The following SLC9A5 variants were observed in gnomAD, a reference collection of about 807,000 sequenced individuals.
SLC9A5 encodes solute carrier family 9 member A5.
A neutral mutation model predicts 91.7 loss-of-function variants in SLC9A5; 52 were observed. The ratio of observed to expected loss-of-function variants is 0.57; its 90% CI spans 0.45 to 0.71. The LOEUF is 0.71. SLC9A5 is among the 30% of genes least tolerant of loss of function. The pLI is 0.00. For missense variants in SLC9A5, 871 were observed against 1,158.9 expected, an observed-to-expected ratio of 0.75 and a Z score of 3.61; for synonymous variants, 419 against 474.5, an observed-to-expected ratio of 0.88 and a Z score of 1.52.
In SLC9A5 at chr16:67,252,177, C is replaced by T. The variant is rs1200113009; in HGVS notation, c.188-365C>T. On this transcript the variant is annotated intron_variant, in intron 1 of 15. Coordinates refer to ENST00000299798, the MANE Select transcript of SLC9A5 (RefSeq NM_004594.3). The surrounding 1 kb of genome is among the most constrained non-coding windows in gnomAD (Gnocchi z 4.0). ...CCAGTCTTAGAAGGTTGGCCAGGCG[C>T]GGTGGCTCACACCTGTAATCCCAGC... Among the ~76,000 whole-genome samples the T allele has an allele frequency of 2.6e-5, 4 of 152,028 alleles. No homozygotes were observed. The highest frequency in any genetic ancestry group is 7.3e-5 in the African/African-American group (3 of 41,372).
intron 1 of SLC9A5, among the ~76,000 whole-genome samples, chr16:67,250,233 GATT>G (rs1385451656): frequency 2.0e-5 from 3 of 152,286 alleles, no homozygotes; most frequent in Admixed American, 2.0e-4. Context: ...GGCAGCCTGA[GATT>G]AATAATGGAA....
At chr16:67,260,328 C>T (rs1166791374) in intron 12 of SLC9A5, among the ~76,000 whole-genome samples, 6 of 121,190 alleles carry the variant, frequency 5.0e-5, no homozygotes, top group Admixed American at 9.4e-5. Context: ...GCACTCCAGC[C>T]TGGGTAACAG....
At position 67,258,495 on chromosome 16, in the gene SLC9A5, C is replaced by A; in HGVS notation, c.1626+48C>A. On this transcript the variant is annotated intron_variant, in intron 10 of 15. Transcript: ENST00000299798. The surrounding 1 kb of genome is among the most constrained non-coding windows in gnomAD (Gnocchi z 4.5). Reference sequence around the variant, plus strand: ...GGCCAGTGGTGGGTGGGCAGATGGTCAGCAGAGCAGGACAGAAAGGGGTGG... The same window carrying A: ...GGCCAGTGGTGGGTGGGCAGATGGTAAGCAGAGCAGGACAGAAAGGGGTGG... The A allele has an allele frequency of 6.2e-7, 1 of 1,611,538 alleles. No individual in the cohort carries two copies. The highest frequency in any genetic ancestry group is 1.1e-5 in the South Asian group (1 of 90,934).
intron 15 of SLC9A5, among the ~76,000 whole-genome samples, chr16:67,267,296 G>C (rs1474841921): frequency 6.6e-6 from 1 of 151,908 alleles, no homozygotes; most frequent in Non-Finnish European, 1.5e-5. Context: ...ATGTTGGTCA[G>C]GCTGGTTTCG....
chr16:67,262,435 T>C lies in SLC9A5; in HGVS notation c.1843-1917T>C, dbSNP rs1325778864. 3 of 342,126 alleles carry C rather than the reference T, an allele frequency of 8.8e-6. No homozygotes were observed. In the Admixed American group the frequency reaches 1.1e-4, roughly 12 times the overall value. The allele number at this position is 342,126 out of a possible 1,614,324, so 21.2% of individuals were successfully genotyped here. ...ATAAGATTATAGTTTAATAGAGAGA[T>C]AAGGGCTGGAGAGAAATTTGGAAGC... On this transcript the variant is annotated intron_variant, in intron 12 of 15. Coordinates refer to ENST00000299798, the MANE Select transcript of SLC9A5 (RefSeq NM_004594.3).
intron 12 of SLC9A5, among the ~76,000 whole-genome samples, chr16:67,264,107 T>A (rs1407089102): frequency 2.0e-5 from 3 of 152,020 alleles, no homozygotes; most frequent in Non-Finnish European, 4.4e-5. Context: ...ATGGCAAGGG[T>A]TGGGGAAGGC....
intron 15 of SLC9A5, among the ~76,000 whole-genome samples, chr16:67,267,550 C>T (rs2142386907): frequency 6.6e-6 from 1 of 152,228 alleles, no homozygotes; most frequent in East Asian, 1.9e-4. Flanking sequence ...TGCTGCCTCC[C>T]TTTGTAGTCT....
chr16:67,266,248 C>G (rs746445207), intron 15 of SLC9A5, 23 bp downstream of exon 15: 1 of 1,572,300 alleles, frequency 6.4e-7, no homozygotes, highest in Non-Finnish European at 8.6e-7. Flanking sequence ...TCCCTGCCCA[C>G]CTCCCCTCTG....
In SLC9A5 at chr16:67,264,294, GTTC is replaced by G. The variant is rs2035625960; in HGVS notation, c.1843-55_1843-53del. 3 of 1,523,760 alleles carry G rather than the reference GTTC, an allele frequency of 2.0e-6. No individual in the cohort carries two copies. The Admixed American group carries it at 5.2e-5, about 26-fold the overall frequency. The allele number at this position is 1,523,760 out of a possible 1,614,324, so 94.4% of individuals were successfully genotyped here. The stretch of plus-strand genomic sequence containing the variant: ...GAATATGTTGGGGCTGTGGCCTGGG[GTTC>G]TTGTGGGAGGCCAAGGCATCCATCC... On this transcript the variant is annotated intron_variant, in intron 12 of 15. Transcript: ENST00000299798.
At chr16:67,265,698 C>T (rs1172958378) in intron 14 of SLC9A5, among the ~76,000 whole-genome samples, 1 of 152,154 alleles carries the variant, frequency 6.6e-6, no homozygotes, top group African/African-American at 2.4e-5. Flanking sequence ...GTTGGGATTA[C>T]AGGTGTGAGC....
At position 67,255,234 on chromosome 16, in the gene SLC9A5, T is replaced by C. The variant is rs375773631; in HGVS notation, c.654+50T>C. ...TTCCCTGACCCCAGGCTGCATGCTCTGACCAACTAGGGGTCTGCGCAGACT... is the reference window on the plus strand; with the variant it reads ...TTCCCTGACCCCAGGCTGCATGCTCCGACCAACTAGGGGTCTGCGCAGACT... On this transcript the variant is annotated intron_variant, in intron 3 of 15. Transcript: ENST00000299798. This position sits in a 1 kb window ranked among gnomAD's most constrained non-coding sequence, Gnocchi z 4.9. 45 of 1,592,400 alleles carry C rather than the reference T, an allele frequency of 2.8e-5. 1 individual carries two copies. Among genetic ancestry groups the C allele is most frequent in the East Asian group, 1.3e-4 (6 of 44,662 alleles).
At chr16:67,262,293 T>C (rs1490292373) in intron 12 of SLC9A5, 1 of 457,208 alleles carries the variant, frequency 2.2e-6, no homozygotes, top group Non-Finnish European at 4.4e-6. Flanking sequence ...TTTTGGGGTA[T>C]GGTAACTCAA....
chr16:67,259,199 T>G lies in SLC9A5; in HGVS notation c.1627-374T>G, dbSNP rs190996252. Reference sequence around the variant, plus strand: ...GCTTGAACCCTGGTGGAGTTTGCAGTGAGGTTGCAGTGAGCTGAGATTGTA... The same window carrying G: ...GCTTGAACCCTGGTGGAGTTTGCAGGGAGGTTGCAGTGAGCTGAGATTGTA... On this transcript the variant is annotated intron_variant, in intron 10 of 15. Coordinates refer to ENST00000299798, the MANE Select transcript of SLC9A5 (RefSeq NM_004594.3). 6.3e-3 allele frequency among the ~76,000 whole-genome samples: 934 copies of G among 148,246 alleles called. 10 individuals carry two copies. The highest frequency in any genetic ancestry group is 0.011 in the Non-Finnish European group (743 of 67,502).
Position 67,252,955 on chromosome 16 carries a change from G to A in SLC9A5, c.490+111G>A, listed in dbSNP as rs2035184328. 9.8e-7 allele frequency: 1 copy of A among 1,025,636 alleles called. No individual in the cohort carries two copies. Among genetic ancestry groups the A allele is most frequent in the East Asian group, 2.6e-5 (1 of 38,482 alleles). 63.5% of individuals were successfully genotyped at this position (1,025,636 alleles called of 1,614,324 possible). A position where few individuals can be genotyped will look rare whatever the true frequency, so the allele number is the denominator to read the frequency against. On this transcript the variant is annotated intron_variant, in intron 2 of 15. Transcript: ENST00000299798. The surrounding 1 kb of genome is among the most constrained non-coding windows in gnomAD (Gnocchi z 4.0). ...CCATGCCCTGAAAGCTCCATCCTAG[G>A]TCCCTCCCTCTGGAGTGCAAGGCAG...
At chr16:67,249,753 AC>A (rs997380349) in intron 1 of SLC9A5, among the ~76,000 whole-genome samples, 1 of 151,396 alleles carries the variant, frequency 6.6e-6, no homozygotes, top group Non-Finnish European at 1.5e-5. Flanking sequence ...GTGTATGGGT[AC>A]CCCCCCAACC....
chr16:67,252,610 G>C lies in SLC9A5; in HGVS notation c.256G>C (p.Val86Leu). The change falls in exon 2 of 16, where the codon GTG becomes CTG. Residue 86 changes from valine to leucine, a missense_variant. Physicochemically the swap from Val to Leu is conservative, Grantham distance 32. Coordinates refer to ENST00000299798, the MANE Select transcript of SLC9A5 (RefSeq NM_004594.3). This position sits in a 1 kb window ranked among gnomAD's most constrained non-coding sequence, Gnocchi z 4.0. The part of the protein sequence containing the change: ...ESCLLILLGL[V>L]LGGIVLAVAK... Reference sequence around the variant, plus strand: ...CTGCCTGCTGATTTTGCTGGGCCTGGTGCTAGGGGGAATTGTTTTGGCTGT... The same window carrying C: ...CTGCCTGCTGATTTTGCTGGGCCTGCTGCTAGGGGGAATTGTTTTGGCTGT... 1.9e-6 allele frequency: 3 copies of C among 1,614,118 alleles called. No individual in the cohort carries two copies. The highest frequency in any genetic ancestry group is 2.5e-6 in the Non-Finnish European group (3 of 1,180,044).
chr16:67,250,876 T>A (rs556748556), intron 1 of SLC9A5, among the ~76,000 whole-genome samples: 1 of 152,288 alleles, frequency 6.6e-6, no homozygotes, highest in Non-Finnish European at 1.5e-5. Context: ...TGTTCGCTTG[T>A]GGTCTGAGGA....
rs987849592 is a variant in SLC9A5, at chr16:67,256,209, C to G, written c.912-260C>G. 6.6e-6 allele frequency among the ~76,000 whole-genome samples: 1 copy of G among 152,156 alleles called. No homozygotes were observed. The stretch of plus-strand genomic sequence containing the variant: ...CACCAGCTCTGGAGGCCGCAGCACT[C>G]CAGAAGGTGCATTAGAGAGCCCGCT... On this transcript the variant is annotated intron_variant, in intron 5 of 15. Coordinates refer to ENST00000299798, the MANE Select transcript of SLC9A5 (RefSeq NM_004594.3). This position sits in a 1 kb window ranked among gnomAD's most constrained non-coding sequence, Gnocchi z 4.1.
At chr16:67,260,774 C>G (rs1255647136) in intron 12 of SLC9A5, among the ~76,000 whole-genome samples, 1 of 152,208 alleles carries the variant, frequency 6.6e-6, no homozygotes, top group Non-Finnish European at 1.5e-5. Context: ...GGAAGTTAGT[C>G]CAATGCAGAT....
Sources: gnomAD v4.1 joint callset for allele counts (sites outside exome capture counted in the v4.1 genomes callset) on GRCh38, gnomAD v4.1.1 for gene constraint, Gnocchi (gnomAD v3.1) non-coding constraint, MANE v1.5 for transcripts, NCBI Gene and HGNC (gene_info 2026-07-23, HGNC 2026-07-21) for gene names.